LUZP4: variants seen among roughly 807,000 people sequenced by gnomAD.
The protein encoded by LUZP4 is HOM-TES-85 tumor antigen.
Under a neutral mutation model 8.5 loss-of-function variants are expected in LUZP4, and 11 were observed. The observed-to-expected ratio is 1.30, with a 90% CI of 0.82 to 2.14. The LOEUF (loss-of-function observed/expected upper bound fraction) is 2.14, where lower values mean the gene tolerates loss of function less well. Ranked by LOEUF, LUZP4 falls within the 30% of genes most tolerant of loss-of-function variation. The probability of loss-of-function intolerance (pLI) is 0.00; values close to 1 mark genes in which losing one functional copy is unlikely to be tolerated. For synonymous variants in LUZP4, 104 were observed against 79.4 expected (o/e 1.31, Z -1.65); for missense variants, 276 against 229.7 (o/e 1.20, Z -1.30).
At chrX:115,291,923 GA>G (rs781944738) in intron 1 of LUZP4, among the ~76,000 whole-genome samples, 24 of 101,334 alleles carry the variant, frequency 2.4e-4, no homozygotes, top group South Asian at 4.4e-4. Flanking sequence ...CTTCATCTCA[GA>G]AAAAAAAAAA....
At position 115,293,628 on chromosome X, in the gene LUZP4, G is replaced by A. The variant is rs781837681; in HGVS notation, c.91+3778G>A. 1.8e-4 allele frequency among the ~76,000 whole-genome samples: 20 copies of A among 110,453 alleles called. No homozygotes were observed. The South Asian group carries it at 7.8e-3, about 43-fold the overall frequency. Reference sequence around the variant, plus strand: ...AAAAGCTTGATATTTTGTTCATCACGGATTGGTTTTGCATTGATTTTTATT... The same window carrying A: ...AAAAGCTTGATATTTTGTTCATCACAGATTGGTTTTGCATTGATTTTTATT... On this transcript the variant is annotated intron_variant, in intron 1 of 3. Transcript: ENST00000371920.
intron 1 of LUZP4, among the ~76,000 whole-genome samples, chrX:115,292,259 G>A (rs2073352080): frequency 1.8e-5 from 2 of 112,021 alleles, no homozygotes; most frequent in African/African-American, 6.5e-5. Context: ...ATTTACATCT[G>A]TGATCCATTT....
chrX:115,301,819 G>A (rs1220356255), intron 1 of LUZP4, among the ~76,000 whole-genome samples, 173 bp from the exon 2 acceptor site: 2 of 111,550 alleles, frequency 1.8e-5, no homozygotes, highest in African/African-American at 3.3e-5. Flanking sequence ...CTAAGATGTC[G>A]GTACTGTTTG....
At chrX:115,291,625 G>T (rs2073349484) in intron 1 of LUZP4, among the ~76,000 whole-genome samples, 1 of 111,034 alleles carries the variant, frequency 9.0e-6, no homozygotes, top group Non-Finnish European at 1.9e-5. Flanking sequence ...GTGTACCATA[G>T]AAATGAAGAG....
chrX:115,300,472 G>A (rs934425026), intron 1 of LUZP4, among the ~76,000 whole-genome samples: 5 of 112,657 alleles, frequency 4.4e-5, no homozygotes. Context: ...AAACCGTCCT[G>A]GGCTGTGTAT....
Position 115,303,356 on chromosome X carries a change from C to T in LUZP4, c.280C>T (p.Gln94Ter), listed in dbSNP as rs1556602398. The T allele has an allele frequency of 1.7e-6, 2 of 1,200,411 alleles. No individual in the cohort carries two copies. The highest frequency in any genetic ancestry group is 2.2e-6 in the Non-Finnish European group (2 of 889,783). The change falls in exon 3 of 4, where the codon CAA (glutamine) becomes TAA (stop). Residue 94 changes from glutamine to a stop codon, truncating the protein, a stop_gained. Transcript: ENST00000371920. LOFTEE classifies it high-confidence loss of function. ...EEGNHDKKPS[Q>*]KPSGFKSGQH... Reference sequence around the variant, plus strand: ...AGGAAATCATGATAAAAAACCATCCCAAAAACCTTCTGGATTCAAGTCTGG... The same window carrying T: ...AGGAAATCATGATAAAAAACCATCCTAAAAACCTTCTGGATTCAAGTCTGG...
chrX:115,306,580 G>A lies in LUZP4; in HGVS notation c.718G>A (p.Asp240Asn), dbSNP rs1184335434. Residue 240 changes from aspartate (D) to asparagine (N), a missense_variant, in exon 4 of 4, where the codon GAC becomes AAC. Physicochemically the swap from Asp to Asn is conservative, Grantham distance 23. Coordinates refer to ENST00000371920, the MANE Select transcript of LUZP4 (RefSeq NM_016383.5). ...KRSRSQGDLV[D>N]TQSDLIATQR... Reference sequence around the variant, plus strand: ...ATCTCGTAGCCAGGGAGATCTTGTGGACACTCAGAGTGATCTCATAGCCAC... The same window carrying A: ...ATCTCGTAGCCAGGGAGATCTTGTGAACACTCAGAGTGATCTCATAGCCAC... 1 of 1,208,400 alleles carries A rather than the reference G, an allele frequency of 8.3e-7. No individual in the cohort carries two copies. The highest frequency in any genetic ancestry group is 1.8e-5 in the African/African-American group (1 of 56,943).
At chrX:115,300,625 G>C (rs2073392537) in intron 1 of LUZP4, among the ~76,000 whole-genome samples, 1 of 111,368 alleles carries the variant, frequency 9.0e-6, no homozygotes, top group African/African-American at 3.3e-5. Flanking sequence ...CTCTCTGACT[G>C]GGGCTGGTTT....
At chrX:115,306,020 A>G (rs782115233) in intron 3 of LUZP4, among the ~76,000 whole-genome samples, 185 bp from the exon 4 acceptor site, 47 of 111,707 alleles carry the variant, frequency 4.2e-4, no homozygotes, top group African/African-American at 1.4e-3. Context: ...TTTTTGTGCC[A>G]GTGACACGAT....
At chrX:115,305,686 A>G (rs782473508) in intron 3 of LUZP4, among the ~76,000 whole-genome samples, 2 of 112,357 alleles carry the variant, frequency 1.8e-5, no homozygotes, top group Non-Finnish European at 3.8e-5. Context: ...TATTAAGCCA[A>G]CCTTCTGCTT....
intron 1 of LUZP4, among the ~76,000 whole-genome samples, chrX:115,298,584 G>A (rs1556600134): frequency 8.9e-6 from 1 of 112,291 alleles, no homozygotes; most frequent in African/African-American, 3.2e-5. Context: ...GCTATTAAAG[G>A]ACTCTGCATT....
intron 1 of LUZP4, among the ~76,000 whole-genome samples, chrX:115,291,578 G>A (rs2073349186): frequency 9.0e-6 from 1 of 110,972 alleles, no homozygotes; most frequent in Non-Finnish European, 1.9e-5. Flanking sequence ...AGCAGGGAGG[G>A]CTGAACTTTA....
intron 3 of LUZP4, 79 bp downstream of exon 3, chrX:115,303,497 A>T (rs899573878): frequency 4.2e-6 from 2 of 474,970 alleles, no homozygotes; most frequent in Non-Finnish European, 3.3e-6. Context: ...TTTACTTTAA[A>T]TTCTATTGAA....
intron 1 of LUZP4, among the ~76,000 whole-genome samples, chrX:115,291,390 C>T (rs959758924): frequency 4.5e-5 from 5 of 111,513 alleles, no homozygotes; most frequent in African/African-American, 9.8e-5. Context: ...TGAGCCACTG[C>T]GCCTGGCCAA....
In LUZP4 at chrX:115,302,048, A is replaced by C; in HGVS notation, c.148A>C (p.Lys50Gln). 1 of 1,189,869 alleles carries C rather than the reference A, an allele frequency of 8.4e-7. No individual in the cohort carries two copies. Among genetic ancestry groups the C allele is most frequent in the Non-Finnish European group, 1.1e-6 (1 of 879,101 alleles). ...EGTNAEEEKNKRQNHSKKESP... is the reference protein window; with the variant it reads ...EGTNAEEEKNQRQNHSKKESP... ...GACAAATGCTGAAGAAGAAAAGAAT[A>C]AAAGACAGAACCATAGTAAAAAGGA... Residue 50 changes from lysine (K) to glutamine (Q), a missense_variant, in exon 2 of 4, where the codon AAA becomes CAA. Transcript: ENST00000371920.
chrX:115,291,159 G>A (rs782044962), intron 1 of LUZP4, among the ~76,000 whole-genome samples: 18 of 110,500 alleles, frequency 1.6e-4, no homozygotes, highest in South Asian at 3.9e-4. Flanking sequence ...GTAGTGGCAC[G>A]ATCACGGCTC....
At chrX:115,293,703 C>T (rs1161993352) in intron 1 of LUZP4, among the ~76,000 whole-genome samples, 1 of 110,963 alleles carries the variant, frequency 9.0e-6, no homozygotes, top group African/African-American at 3.3e-5. Context: ...ATAATCCCAG[C>T]TCTTTGGGAG....
chrX:115,299,728 T>C (rs1007216245), intron 1 of LUZP4, among the ~76,000 whole-genome samples: 7 of 110,786 alleles, frequency 6.3e-5, no homozygotes, highest in Non-Finnish European at 1.1e-4. Flanking sequence ...AGAAGTGTTA[T>C]CCAAGAGTCA....
chrX:115,299,270 C>G (rs1320953954), intron 1 of LUZP4, among the ~76,000 whole-genome samples: 1 of 111,113 alleles, frequency 9.0e-6, no homozygotes, highest in Non-Finnish European at 1.9e-5. Flanking sequence ...GGGTTTCACT[C>G]AAGGCCTGCT....
Sources: allele counts gnomAD v4.1 joint callset (sites outside exome capture counted in the v4.1 genomes callset), GRCh38; gene constraint gnomAD v4.1.1; transcripts MANE v1.5; gene names NCBI Gene and HGNC (gene_info 2026-07-23, HGNC 2026-07-21).